LARP1: variants seen among roughly 807,000 people sequenced by gnomAD.
LARP1 encodes the protein La ribonucleoprotein 1, translational regulator.
In LARP1, 36 loss-of-function variants were observed where a neutral mutation model predicts 122.7. That is an observed-to-expected ratio of 0.29 (90% CI 0.22 to 0.39). LARP1 has a LOEUF of 0.39. Among genes scored for constraint, LARP1 ranks in the 10% least tolerant of loss-of-function variants. The probability of loss-of-function intolerance (pLI) is 1.00; values close to 1 mark genes in which losing one functional copy is unlikely to be tolerated. For missense variants in LARP1, 1,040 were observed against 1,403.6 expected (o/e 0.74, Z 4.14); for synonymous variants, 539 against 528.7 (o/e 1.02, Z -0.27).
Position 154,811,640 on chromosome 5 carries a change from T to G in LARP1, c.3081T>G (p.Asp1027Glu). 6.2e-7 allele frequency: 1 copy of G among 1,614,116 alleles called. No individual in the cohort carries two copies. The highest frequency in any genetic ancestry group is 8.5e-7 in the Non-Finnish European group (1 of 1,180,012). ...GACGTCTTGAAGACTTCCGAGTAGA[T>G]GTAAGTGAAACTCTTTCTCTAACTC... ...KFRRLEDFRVDPPMGEEGNHK... is the reference protein window; with the variant it reads ...KFRRLEDFRVEPPMGEEGNHK... The change falls in exon 18 of 19, where the codon GAT (aspartate) becomes GAG (glutamate). Residue 1027 changes from aspartate (D) to glutamate (E), a missense_variant and splice_region_variant. By Grantham distance (45) the Asp-to-Glu change is conservative (BLOSUM62 2). Around this residue, in one of 8 missense-constraint regions of LARP1, gnomAD observed 129 missense variants for 160.8 expected, o/e 0.80. Transcript: ENST00000518297.
At chr5:154,695,991 C>G (rs1754455177) in intron 1 of LARP1, among the ~76,000 whole-genome samples, 1 of 152,126 alleles carries the variant, frequency 6.6e-6, no homozygotes, top group African/African-American at 2.4e-5. Context: ...TTATGGGCTC[C>G]TGGGGATAGC....
At chr5:154,792,544 T>C (rs1757426832) in intron 3 of LARP1, 78 bp from the exon 4 acceptor site, 3 of 1,340,312 alleles carry the variant, frequency 2.2e-6, no homozygotes, top group Non-Finnish European at 3.1e-6. Context: ...CCTGCCCTTC[T>C]AGTGACAGGG....
intron 1 of LARP1, among the ~76,000 whole-genome samples, chr5:154,762,852 T>C (rs772118795): frequency 8.5e-5 from 13 of 152,158 alleles, no homozygotes; most frequent in Non-Finnish European, 1.8e-4. Context: ...GGAAATTAAG[T>C]CCCACAGTAG....
At position 154,808,443 on chromosome 5, in the gene LARP1, C is replaced by T. The variant is rs1758974982; in HGVS notation, c.2699-16C>T. The stretch of plus-strand genomic sequence containing the variant: ...CTGAACCTGAGACATGCCTTTCCTC[C>T]TTTCTTTCCCATCAGAGCGGAAACG... On this transcript the variant is annotated splice_polypyrimidine_tract_variant and intron_variant, in intron 15 of 18. Transcript: ENST00000518297. 3.1e-6 allele frequency: 5 copies of T among 1,608,368 alleles called. No individual in the cohort carries two copies. Among genetic ancestry groups the T allele is most frequent in the Non-Finnish European group, 4.2e-6 (5 of 1,177,756 alleles).
At chr5:154,768,177 CAG>C (rs1183177763) in intron 1 of LARP1, among the ~76,000 whole-genome samples, 1 of 152,184 alleles carries the variant, frequency 6.6e-6, no homozygotes, top group East Asian at 1.9e-4. Context: ...TCAGTTGTCA[CAG>C]GGGATACTGA....
Position 154,794,116 on chromosome 5 carries a change from G to C in LARP1, c.1086G>C (p.Gln362His), listed in dbSNP as rs757777766. 1.2e-6 allele frequency: 2 copies of C among 1,614,174 alleles called. No individual in the cohort carries two copies. The highest frequency in any genetic ancestry group is 2.2e-5 in the East Asian group (1 of 44,882). Residue 362 changes from glutamine to histidine, a missense_variant, in exon 7 of 19, where the codon CAG (glutamine) becomes CAC (histidine). Gln to His is a conservative substitution (Grantham distance 24, BLOSUM62 0). Coordinates refer to ENST00000518297, the MANE Select transcript of LARP1 (RefSeq NM_033551.3). ...RGGTRTHFDY[Q>H]FGYRKFDGVE... ...CCCCCATAGCCCATTTTGACTACCA[G>C]TTTGGCTACCGAAAGTTTGATGGTG...
chr5:154,722,678 GTTTTTTTT>G (rs11315331), intron 1 of LARP1, among the ~76,000 whole-genome samples: 1 of 99,144 alleles, frequency 1.0e-5, no homozygotes, highest in Non-Finnish European at 2.0e-5. Context: ...TCTTTCCTAG[GTTTTTTTT>G]TTTTTTTTTT....
Position 154,813,960 on chromosome 5 carries a change from A to G in LARP1, c.3155A>G (p.Lys1052Arg), listed in dbSNP as rs904244494. The change falls in exon 19 of 19, where the codon AAG (lysine) becomes AGG (arginine). Residue 1052 changes from lysine to arginine, a missense_variant. Lys to Arg is a conservative substitution (Grantham distance 26, BLOSUM62 2). Around this residue, in one of 8 missense-constraint regions of LARP1, gnomAD observed 129 missense variants for 160.8 expected, o/e 0.80. Coordinates refer to ENST00000518297, the MANE Select transcript of LARP1 (RefSeq NM_033551.3). ...GGAGGTGGCGGCGGTGAGGGCAGGAAGCGGTGCCCCTCCCAGTCTTCCAGC... is the reference window on the plus strand; with the variant it reads ...GGAGGTGGCGGCGGTGAGGGCAGGAGGCGGTGCCCCTCCCAGTCTTCCAGC... ...VAGGGGGEGR[K>R]RCPSQSSSRP... 3.1e-6 allele frequency: 5 copies of G among 1,613,950 alleles called. No individual in the cohort carries two copies. Among genetic ancestry groups the G allele is most frequent in the Non-Finnish European group, 4.2e-6 (5 of 1,179,976 alleles).
intron 1 of LARP1, among the ~76,000 whole-genome samples, chr5:154,691,346 CTG>C (rs1416439691): frequency 4.6e-5 from 7 of 152,126 alleles, no homozygotes; most frequent in Non-Finnish European, 8.8e-5. Flanking sequence ...CACTATCTGA[CTG>C]TGTGACCTTG....
At chr5:154,710,614 G>C (rs1755168846), upstream of LARP1, among the ~76,000 whole-genome samples, 1 of 151,808 alleles carries the variant, frequency 6.6e-6, no homozygotes, top group Non-Finnish European at 1.5e-5. Flanking sequence ...ATGGTGGCGT[G>C]CACCTATAAT....
intron 3 of LARP1, among the ~76,000 whole-genome samples, chr5:154,791,068 C>T (rs974883999): frequency 2.6e-5 from 4 of 152,100 alleles, no homozygotes; most frequent in African/African-American, 9.6e-5. Context: ...CTGCCTGCCT[C>T]AGCCTCCCAA....
At chr5:154,712,898 C>A (rs1439692683) in exon 1 of LARP1, 1 of 1,601,472 alleles carries the variant, frequency 6.2e-7, no homozygotes, top group Non-Finnish European at 8.6e-7. Flanking sequence ...TCCAGGGCCA[C>A]ATAGTGACCC....
intron 1 of LARP1, among the ~76,000 whole-genome samples, chr5:154,727,991 C>A (rs1417327465): frequency 6.6e-6 from 1 of 152,134 alleles, no homozygotes; most frequent in Non-Finnish European, 1.5e-5. Context: ...TCGCTCAAAC[C>A]CCGGTGGTGG....
chr5:154,780,934 G>A (rs1478841479), intron 1 of LARP1, among the ~76,000 whole-genome samples: 1 of 151,944 alleles, frequency 6.6e-6, no homozygotes, highest in Non-Finnish European at 1.5e-5. Flanking sequence ...TTGGTGGCTC[G>A]CGCCTGTAGT....
intron 3 of LARP1, 118 bp downstream of exon 3, chr5:154,790,828 T>G (rs998492624): frequency 3.9e-5 from 37 of 956,414 alleles, no homozygotes; most frequent in Non-Finnish European, 5.6e-5. Flanking sequence ...CTTTCTTTTT[T>G]TTCCCCCCAA....
intron 1 of LARP1, among the ~76,000 whole-genome samples, chr5:154,690,057 T>A (rs7735337): frequency 0.57 from 86,545 of 151,784 alleles, 25,692 homozygotes; most frequent in Non-Finnish European, 0.67. Flanking sequence ...AATTAAAATT[T>A]AAATTAAAAA....
At chr5:154,770,169 T>G (rs1187834375) in intron 1 of LARP1, among the ~76,000 whole-genome samples, 1 of 151,184 alleles carries the variant, frequency 6.6e-6, no homozygotes, top group Non-Finnish European at 1.5e-5. Context: ...AGGAGACTAC[T>G]TCTGTAGTAG....
chr5:154,690,893 T>C (rs1754167405), intron 1 of LARP1, among the ~76,000 whole-genome samples: 1 of 152,174 alleles, frequency 6.6e-6, no homozygotes, highest in Admixed American at 6.5e-5. Flanking sequence ...CCCGGAGTAT[T>C]CGGCATCCCA....
intron 8 of LARP1, 126 bp downstream of exon 8, chr5:154,795,445 T>G: frequency 2.3e-6 from 2 of 880,618 alleles, no homozygotes; most frequent in Non-Finnish European, 3.4e-6. Context: ...GTCTCAAGGC[T>G]TGGCTAGTCT....
Sources: gnomAD v4.1 joint callset for allele counts (sites outside exome capture counted in the v4.1 genomes callset) on GRCh38, gnomAD v4.1.1 for gene constraint, gnomAD v4.1.1 regional missense constraint, MANE v1.5 for transcripts, NCBI Gene and HGNC (gene_info 2026-07-23, HGNC 2026-07-21) for gene names.